The following AGAP1 variants were observed in gnomAD, a reference collection of about 807,000 sequenced individuals.
AGAP1 encodes ArfGAP with GTPase domain, ankyrin repeat and PH domain 1, also known as arf-GAP with GTPase, ANK repeat and PH domain-containing protein 1.
Under a neutral mutation model 105.3 loss-of-function variants are expected in AGAP1, and 29 were observed. That is an observed-to-expected ratio of 0.28 (90% CI 0.21 to 0.38). AGAP1 has a LOEUF of 0.38. AGAP1 is among the 10% of genes least tolerant of loss of function. The pLI is 1.00. For synonymous variants in AGAP1, 509 were observed against 485.9 expected, an observed-to-expected ratio of 1.05 and a Z score of -0.63; for missense variants, 998 against 1,165.1, an observed-to-expected ratio of 0.86 and a Z score of 2.09.
chr2:235,680,026 C>T (rs1948976383), intron 1 of AGAP1, among the ~76,000 whole-genome samples: 2 of 152,202 alleles, frequency 1.3e-5, no homozygotes, highest in Admixed American at 6.5e-5. Context: ...GGATAAAAAG[C>T]ACCGTGGCTT....
rs1199601716 is a variant in AGAP1, at chr2:235,977,588, A to C, written c.1645+8965A>C. 6.6e-6 allele frequency among the ~76,000 whole-genome samples: 1 copy of C among 152,124 alleles called. No individual in the cohort carries two copies. The highest frequency in any genetic ancestry group is 1.9e-4 in the East Asian group (1 of 5,182). Reference sequence around the variant, plus strand: ...GATGTTCCCACGCTCTGTTAGACACATGCGGCCTGGGCTTCAGGAAGTAGA... The same window carrying C: ...GATGTTCCCACGCTCTGTTAGACACCTGCGGCCTGGGCTTCAGGAAGTAGA... On this transcript the variant is annotated intron_variant, in intron 13 of 17. Transcript: ENST00000304032. This position sits in a 1 kb window ranked among gnomAD's most constrained non-coding sequence, Gnocchi z 5.2.
chr2:235,709,975 G>A (rs143390718), intron 2 of AGAP1, among the ~76,000 whole-genome samples: 15 of 152,218 alleles, frequency 9.9e-5, no homozygotes, highest in Admixed American at 2.0e-4. Context: ...TCTAATTTCC[G>A]TGTGTATGTT....
At position 236,005,750 on chromosome 2, in the gene AGAP1, T is replaced by C. The variant is rs944802422; in HGVS notation, c.1646-30811T>C. Among the ~76,000 whole-genome samples the C allele has an allele frequency of 2.6e-5, 4 of 152,258 alleles. No individual in the cohort carries two copies. Among genetic ancestry groups the C allele is most frequent in the Admixed American group, 2.6e-4 (4 of 15,290 alleles). On this transcript the variant is annotated intron_variant, in intron 13 of 17. Coordinates refer to ENST00000304032, the MANE Select transcript of AGAP1 (RefSeq NM_001037131.3). The surrounding 1 kb of genome is among the most constrained non-coding windows in gnomAD (Gnocchi z 4.1). ...TGCAATGCTTTTCTCAGGTTTCATC[T>C]TGAGTTACAAGTTTTGTGGAGAAGG...
In AGAP1 at chr2:235,549,247, G is replaced by A. The variant is rs1943725749; in HGVS notation, c.163+54398G>A. On this transcript the variant is annotated intron_variant, in intron 1 of 17. Coordinates refer to ENST00000304032, the MANE Select transcript of AGAP1 (RefSeq NM_001037131.3). This position sits in a 1 kb window ranked among gnomAD's most constrained non-coding sequence, Gnocchi z 4.2. ...TACAAACTAGAAGGGCCTGGTTTCT[G>A]TAGGTGACAAAGCTGGGGGGAACGT... Among the ~76,000 whole-genome samples, 1 of 152,214 alleles carries A rather than the reference G, an allele frequency of 6.6e-6. No homozygotes were observed. The highest frequency in any genetic ancestry group is 2.4e-5 in the African/African-American group (1 of 41,456).
At chr2:236,102,233 C>A (rs7566323) in intron 16 of AGAP1, among the ~76,000 whole-genome samples, 6 of 151,822 alleles carry the variant, frequency 4.0e-5, no homozygotes, top group East Asian at 3.9e-4. Flanking sequence ...CTGGCTAACA[C>A]GGTGAAACCC....
At chr2:236,108,759 A>G (rs934927944) in intron 16 of AGAP1, among the ~76,000 whole-genome samples, 14 of 152,100 alleles carry the variant, frequency 9.2e-5, no homozygotes, top group Non-Finnish European at 1.8e-4. Context: ...AACCACCAAG[A>G]GACTGCTTTA....
At position 235,961,719 on chromosome 2, in the gene AGAP1, C is replaced by A. The variant is rs193002087; in HGVS notation, c.1484-6743C>A. Among the ~76,000 whole-genome samples, 9 of 152,302 alleles carry A rather than the reference C, an allele frequency of 5.9e-5. No homozygotes were observed. The highest frequency in any genetic ancestry group is 3.3e-4 in the Admixed American group (5 of 15,294). Reference sequence around the variant, plus strand: ...GGTCAAGAGATCGAGACCATCCTGGCCAACATGTTGAAACCCGTCTCTACT... The same window carrying A: ...GGTCAAGAGATCGAGACCATCCTGGACAACATGTTGAAACCCGTCTCTACT... On this transcript the variant is annotated intron_variant, in intron 12 of 17. Transcript: ENST00000304032. The surrounding 1 kb of genome is among the most constrained non-coding windows in gnomAD (Gnocchi z 5.9).
intron 10 of AGAP1, among the ~76,000 whole-genome samples, chr2:235,898,721 C>T (rs997708014): frequency 1.3e-5 from 2 of 152,166 alleles, no homozygotes; most frequent in African/African-American, 4.8e-5. Context: ...TGAACCCTCG[C>T]AACAGTATCA....
chr2:235,686,829 A>T (rs190296304), intron 1 of AGAP1, among the ~76,000 whole-genome samples: 12 of 139,788 alleles, frequency 8.6e-5, no homozygotes, highest in East Asian at 2.1e-4. Flanking sequence ...AATTAAAATA[A>T]TTTTTTTTTT....
chr2:235,919,980 A>G lies in AGAP1; in HGVS notation c.1325-10785A>G, dbSNP rs1033127653. Among the ~76,000 whole-genome samples the G allele has an allele frequency of 1.3e-5, 2 of 152,208 alleles. No individual in the cohort carries two copies. The highest frequency in any genetic ancestry group is 2.9e-5 in the Non-Finnish European group (2 of 68,040). ...GGAGCAGCACGTGTTCCTTCAGCAG[A>G]TAAAAATGGCAAAATGAGAATGGCA... On this transcript the variant is annotated intron_variant, in intron 11 of 17. Transcript: ENST00000304032. The surrounding 1 kb of genome is among the most constrained non-coding windows in gnomAD (Gnocchi z 4.1).
intron 9 of AGAP1, chr2:235,852,599 G>C (rs1395820073): frequency 4.8e-6 from 6 of 1,244,082 alleles, no homozygotes; most frequent in Middle Eastern, 4.0e-4. Context: ...GTAAGGGTTA[G>C]GTAATTGAGT....
Position 235,582,109 on chromosome 2 carries a change from C to G in AGAP1, c.163+87260C>G, listed in dbSNP as rs1047664685. Among the ~76,000 whole-genome samples the G allele has an allele frequency of 3.3e-5, 5 of 152,172 alleles. No individual in the cohort carries two copies. Among genetic ancestry groups the G allele is most frequent in the Non-Finnish European group, 7.3e-5 (5 of 68,032 alleles). ...CAGCAGGCAGGAGTTGATAGTGATG[C>G]TATGGGGCTGTCTGCTCTATACGAG... On this transcript the variant is annotated intron_variant, in intron 1 of 17. Coordinates refer to ENST00000304032, the MANE Select transcript of AGAP1 (RefSeq NM_001037131.3). The surrounding 1 kb of genome is among the most constrained non-coding windows in gnomAD (Gnocchi z 4.7).
At chr2:235,780,162 G>C (rs538192736) in intron 6 of AGAP1, among the ~76,000 whole-genome samples, 2 of 152,158 alleles carry the variant, frequency 1.3e-5, no homozygotes, top group South Asian at 4.1e-4. Context: ...TCTTGATACA[G>C]TGGTGCCTAA....
intron 1 of AGAP1, among the ~76,000 whole-genome samples, chr2:235,644,632 G>A (rs970591564): frequency 7.9e-5 from 12 of 152,138 alleles, no homozygotes; most frequent in African/African-American, 1.2e-4. Context: ...CAAGTCAGGC[G>A]CTTGGCCACC....
intron 16 of AGAP1, among the ~76,000 whole-genome samples, chr2:236,097,689 T>G: frequency 6.6e-6 from 1 of 152,050 alleles, no homozygotes; most frequent in East Asian, 1.9e-4. Context: ...GGTCAGGACA[T>G]CTTAGCCAAT....
At chr2:235,746,294 AAAAAAAC>A in intron 5 of AGAP1, among the ~76,000 whole-genome samples, 1 of 151,490 alleles carries the variant, frequency 6.6e-6, no homozygotes, top group East Asian at 1.9e-4. Flanking sequence ...TCAAGGGAAA[AAAAAAAC>A]AAAACTATAA....
rs1279175927 is a variant in AGAP1 at position 235,535,524 on chromosome 2, T to C, written c.163+40675T>C. Reference sequence around the variant, plus strand: ...AAAAAAAAACATGAAATGAAATCCGTGTCCTCTTTATCCTCCCCTCTCTCT... The same window carrying C: ...AAAAAAAAACATGAAATGAAATCCGCGTCCTCTTTATCCTCCCCTCTCTCT... On this transcript the variant is annotated intron_variant, in intron 1 of 17. Coordinates refer to ENST00000304032, the MANE Select transcript of AGAP1 (RefSeq NM_001037131.3). This position sits in a 1 kb window ranked among gnomAD's most constrained non-coding sequence, Gnocchi z 5.1. 6.7e-6 allele frequency among the ~76,000 whole-genome samples: 1 copy of C among 148,222 alleles called. No individual in the cohort carries two copies. The highest frequency in any genetic ancestry group is 1.5e-5 in the Non-Finnish European group (1 of 67,400).
intron 1 of AGAP1, among the ~76,000 whole-genome samples, chr2:235,526,158 T>C (rs78384520): frequency 0.23 from 843 of 3,656 alleles, 354 homozygotes; most frequent in East Asian, 1. Flanking sequence ...AGGACTGATT[T>C]ATAAAGTAGA....
intron 1 of AGAP1, among the ~76,000 whole-genome samples, chr2:235,637,661 G>T (rs1260736671): frequency 6.6e-6 from 1 of 152,146 alleles, no homozygotes; most frequent in Non-Finnish European, 1.5e-5. Context: ...TTACACATAG[G>T]AAGAGGAAGT....
Sources: gnomAD v4.1 joint callset for allele counts (sites outside exome capture counted in the v4.1 genomes callset) on GRCh38, gnomAD v4.1.1 for gene constraint, Gnocchi (gnomAD v3.1) non-coding constraint, MANE v1.5 for transcripts, NCBI Gene and HGNC (gene_info 2026-07-23, HGNC 2026-07-21) for gene names.